The following CD164L2 variants were observed in gnomAD, a reference collection of about 807,000 sequenced individuals.
CD164L2 encodes CD164 molecule like 2.
A neutral mutation model predicts 23.9 loss-of-function variants in CD164L2; 21 were observed. The observed-to-expected ratio is 0.88, with a 90% CI of 0.62 to 1.27. The LOEUF is 1.27. CD164L2 is among the 50% of genes most tolerant of loss of function. The pLI is 0.00. For synonymous variants in CD164L2, 92 were observed against 90.2 expected (o/e 1.02, Z -0.11); for missense variants, 230 against 224.8 (o/e 1.02, Z -0.15).
intron 4 of CD164L2, 117 bp downstream of exon 4, chr1:27,381,663 G>A (rs1571098636): frequency 1.8e-6 from 2 of 1,104,844 alleles, no homozygotes. Context: ...TGCGGAGACA[G>A]GCTCCGAGGG....
Position 27,383,208 on chromosome 1 carries a change from G to C in CD164L2, c.32C>G (p.Thr11Ser). ...GCAGCAACAGCCGCCACAGAGCGCA[G>C]TCCGCAAGGCGCGGGGTCCCGGAGC... The part of the protein sequence containing the change: MEAPGPRALR[T>S]ALCGGCCCLL... The change falls in exon 1 of 6, where the codon ACT becomes AGT. Residue 11 changes from threonine (T) to serine (S), a missense_variant. Transcript: ENST00000374030. The C allele has an allele frequency of 1.3e-6, 2 of 1,547,436 alleles. No individual in the cohort carries two copies. Among genetic ancestry groups the C allele is most frequent in the South Asian group, 2.4e-5 (2 of 83,972 alleles).
Position 27,380,189 on chromosome 1 carries a change from G to C in CD164L2, c.380C>G (p.Pro127Arg). The change falls in exon 5 of 6, where the codon CCC (proline) becomes CGC (arginine). Residue 127 changes from proline to arginine, a missense_variant. By Grantham distance (103) the Pro-to-Arg change is moderately radical. Coordinates refer to ENST00000374030, the MANE Select transcript of CD164L2 (RefSeq NM_001330448.1). ...YEPKTVTTGS[P>R]PVPEAHSPGF... ...AGGGCTGTGGGCCTCAGGGACTGGG[G>C]GGCTCCCTGCAGGGGTGAGGCAGGG... 1 of 1,614,006 alleles carries C rather than the reference G, an allele frequency of 6.2e-7. No homozygotes were observed. Among genetic ancestry groups the C allele is most frequent in the Non-Finnish European group, 8.5e-7 (1 of 1,179,942 alleles).
At chr1:27,382,692 G>C in intron 1 of CD164L2, 25 bp from the exon 2 acceptor site, 2 of 1,589,658 alleles carry the variant, frequency 1.3e-6, no homozygotes, top group Non-Finnish European at 1.7e-6. Context: ...GAGTGGGAAG[G>C]GAGAATTCCT....
chr1:27,380,964 T>C (rs1181190672), intron 4 of CD164L2, among the ~76,000 whole-genome samples: 1 of 152,216 alleles, frequency 6.6e-6, no homozygotes, highest in East Asian at 1.9e-4. Flanking sequence ...TAGCAGGGAT[T>C]TGATTTCAGG....
chr1:27,379,331 G>A lies in CD164L2; in HGVS notation c.*172C>T, dbSNP rs2016294903. ...TCTCAGCTGCAGGTTCCAGGCCCAG[G>A]ACAGGAGGAGATGTCAGGCATCAGA... is the stretch of plus-strand genomic sequence containing the variant. On this transcript the variant is annotated 3_prime_UTR_variant, in exon 6 of 6. Coordinates refer to ENST00000374030, the MANE Select transcript of CD164L2 (RefSeq NM_001330448.1). 3.1e-6 allele frequency: 2 copies of A among 650,166 alleles called. No homozygotes were observed. Among genetic ancestry groups the A allele is most frequent in the African/African-American group, 1.8e-5 (1 of 55,226 alleles). The allele number at this position is 650,166 out of a possible 1,614,324, so 40.3% of individuals were successfully genotyped here.
At position 27,381,681 on chromosome 1, in the gene CD164L2, G is replaced by A. The variant is rs976909388; in HGVS notation, c.373+99C>T. 19 of 1,331,730 alleles carry A rather than the reference G, an allele frequency of 1.4e-5. No individual in the cohort carries two copies. In the Admixed American group the frequency reaches 2.5e-4, roughly 18 times the overall value. 82.5% of individuals were successfully genotyped at this position (1,331,730 alleles called of 1,614,324 possible). ...GGAGACAGGCTCCGAGGGAGAAGGC[G>A]CAGGGCCGAGGTCACAGAGCATGTC... On this transcript the variant is annotated intron_variant, in intron 4 of 5. Coordinates refer to ENST00000374030, the MANE Select transcript of CD164L2 (RefSeq NM_001330448.1).
At chr1:27,379,811 G>A in intron 5 of CD164L2, 1 of 1,444,558 alleles carries the variant, frequency 6.9e-7, no homozygotes, top group Non-Finnish European at 9.1e-7. Context: ...AAAGACACAG[G>A]AGGGCTCAGC....
Position 27,382,646 on chromosome 1 carries a change from C to T in CD164L2, c.110G>A (p.Gly37Glu). 1 of 1,612,114 alleles carries T rather than the reference C, an allele frequency of 6.2e-7. No homozygotes were observed. The highest frequency in any genetic ancestry group is 8.5e-7 in the Non-Finnish European group (1 of 1,179,702). The change falls in exon 2 of 6, where the codon GGG (glycine) becomes GAG (glutamate). Residue 37 changes from glycine (G) to glutamate (E), a missense_variant. Coordinates refer to ENST00000374030, the MANE Select transcript of CD164L2 (RefSeq NM_001330448.1). ...ATTCAGGCGGATCAGGGCTCCCCTC[C>T]CAAAGCCTCGAGCTCCTTTACCTGG... The part of the protein sequence containing the change: ...AVAGKGARGF[G>E]RGALIRLNIW...
At chr1:27,379,930 G>A in intron 5 of CD164L2, 121 bp downstream of exon 5, 4 of 1,528,876 alleles carry the variant, frequency 2.6e-6, no homozygotes, top group Non-Finnish European at 3.5e-6. Context: ...GGAGCACGCT[G>A]TCACCGTCCT....
At chr1:27,380,016 G>T in intron 5 of CD164L2, 35 bp downstream of exon 5, 1 of 1,608,072 alleles carries the variant, frequency 6.2e-7, no homozygotes, top group Non-Finnish European at 8.5e-7. Context: ...GAGGTAAGCT[G>T]GGACTCAGGT....
chr1:27,380,164 A>G lies in CD164L2; in HGVS notation c.405T>C (p.Pro135=), dbSNP rs950982387. Residue 135 remains proline (P), a synonymous_variant, in exon 5 of 6, where the codon CCT becomes CCC. Coordinates refer to ENST00000374030, the MANE Select transcript of CD164L2 (RefSeq NM_001330448.1). ...CGATAAAGCTGGCCCCGTCAAATCC[A>G]GGGCTGTGGGCCTCAGGGACTGGGG... ...GSPPVPEAHS[P]GFDGASFIGG... is the part of the protein sequence containing the mutation. The G allele has an allele frequency of 1.6e-5, 26 of 1,613,994 alleles. No homozygotes were observed. Among genetic ancestry groups the G allele is most frequent in the Middle Eastern group, 1.6e-4 (1 of 6,084 alleles).
At position 27,379,390 on chromosome 1, in the gene CD164L2, A is replaced by T; in HGVS notation, c.*113T>A. On this transcript the variant is annotated 3_prime_UTR_variant, in exon 6 of 6. Transcript: ENST00000374030. ...CTGCTTGGTGCCCGCAGGAGCCAAA[A>T]ACTGGCGGCCAGAGTTTTTCCCGCC... The T allele has an allele frequency of 9.5e-7, 1 of 1,053,778 alleles. No individual in the cohort carries two copies. The highest frequency in any genetic ancestry group is 1.4e-6 in the Non-Finnish European group (1 of 699,990). 65.3% of individuals were successfully genotyped at this position (1,053,778 alleles called of 1,614,324 possible).
chr1:27,382,124 C>T (rs970078944), intron 3 of CD164L2: 9 of 1,512,998 alleles, frequency 5.9e-6, no homozygotes, highest in Non-Finnish European at 8.0e-6. Context: ...ACTCCCATCC[C>T]CTCCACACAC....
rs1183546899 is a variant in CD164L2 at position 27,379,620 on chromosome 1, G to A, written c.519-111C>T. On this transcript the variant is annotated intron_variant, in intron 5 of 5. Transcript: ENST00000374030. The stretch of plus-strand genomic sequence containing the variant: ...AAGAGCAAACACTTTAACACAGGCT[G>A]TGGCGACCCGCCCCACAGCACACAC... 4 of 1,544,572 alleles carry A rather than the reference G, an allele frequency of 2.6e-6. No individual in the cohort carries two copies. The African/African-American group carries it at 4.1e-5, about 16-fold the overall frequency.
In CD164L2 at chr1:27,383,282, G is replaced by T. The variant is rs1303008261; in HGVS notation, c.-43C>A. On this transcript the variant is annotated 5_prime_UTR_variant, in exon 1 of 6. Coordinates refer to ENST00000374030, the MANE Select transcript of CD164L2 (RefSeq NM_001330448.1). ...GTGGCCGGGGGCGGTGGCCGGGATC[G>T]GTGGACAGCTGCCGGGCGCGTCCCT... 8.6e-6 allele frequency: 11 copies of T among 1,277,680 alleles called. No homozygotes were observed. The highest frequency in any genetic ancestry group is 1.5e-5 in the African/African-American group (1 of 67,560). The allele number at this position is 1,277,680 out of a possible 1,614,324, so 79.1% of individuals were successfully genotyped here.
At chr1:27,382,275 G>A (rs2016349062) in intron 3 of CD164L2, 53 bp downstream of exon 3, 1 of 1,614,138 alleles carries the variant, frequency 6.2e-7, no homozygotes, top group Non-Finnish European at 8.5e-7. Context: ...TGGGGGGCAG[G>A]CTATGGCTGG....
intron 1 of CD164L2, 42 bp downstream of exon 1, chr1:27,383,110 C>T: frequency 6.8e-7 from 1 of 1,472,094 alleles, no homozygotes; most frequent in Non-Finnish European, 9.3e-7. Flanking sequence ...CAAGCTCCAT[C>T]CGTCCCCGTC....
At position 27,380,121 on chromosome 1, in the gene CD164L2, ACACCAG is replaced by A; in HGVS notation, c.442_447del (p.Val149_Leu150del). 1 of 1,614,076 alleles carries A rather than the reference ACACCAG, an allele frequency of 6.2e-7. No individual in the cohort carries two copies. The highest frequency in any genetic ancestry group is 8.5e-7 in the Non-Finnish European group (1 of 1,179,938). Reference sequence around the variant, plus strand: ...AAGAAAGCCACCGCCTGTAGGCTCAACACCAGCACGACACCTCCGATAAAGCTGGCC... The same window carrying A: ...AAGAAAGCCACCGCCTGTAGGCTCAACACGACACCTCCGATAAAGCTGGCC... On this transcript the variant is annotated inframe_deletion, in exon 5 of 6. Coordinates refer to ENST00000374030, the MANE Select transcript of CD164L2 (RefSeq NM_001330448.1).
chr1:27,380,912 G>A (rs1419434139), intron 4 of CD164L2, among the ~76,000 whole-genome samples: 2 of 152,254 alleles, frequency 1.3e-5, no homozygotes, highest in Non-Finnish European at 2.9e-5. Context: ...GCCAGGCTAT[G>A]CCTGGGTGGC....
Sources: gnomAD v4.1 joint callset for allele counts (sites outside exome capture counted in the v4.1 genomes callset) on GRCh38, gnomAD v4.1.1 for gene constraint, MANE v1.5 for transcripts, NCBI Gene and HGNC (gene_info 2026-07-23, HGNC 2026-07-21) for gene names.